ROBO1: variants seen among roughly 807,000 people sequenced by gnomAD.
ROBO1 encodes the protein roundabout homolog 1.
In ROBO1, 149 loss-of-function variants were observed where a neutral mutation model predicts 195.9. The ratio of observed to expected loss-of-function variants is 0.76; its 90% confidence interval spans 0.67 to 0.87. The LOEUF is 0.87. Ranked by LOEUF, ROBO1 falls within the 40% of genes least tolerant of loss-of-function variation. The pLI, the probability that ROBO1 is intolerant of heterozygous loss-of-function variation, is 0.00. For missense variants in ROBO1, 1,933 were observed against 2,068.3 expected, an observed-to-expected ratio of 0.93 and a Z score of 1.27; for synonymous variants, 816 against 733.2, an observed-to-expected ratio of 1.11 and a Z score of -1.82.
chr3:79,108,928 T>C (rs2079835261), intron 3 of ROBO1, among the ~76,000 whole-genome samples: 1 of 151,982 alleles, frequency 6.6e-6, no homozygotes. Flanking sequence ...ATATGTTGTA[T>C]ATATTTTGAA....
At chr3:79,407,797 T>A (rs2037606664) in intron 2 of ROBO1, among the ~76,000 whole-genome samples, 2 of 152,158 alleles carry the variant, frequency 1.3e-5, no homozygotes, top group South Asian at 4.2e-4. Flanking sequence ...CTTTAAAAAT[T>A]GAGGATGATA....
At chr3:79,263,091 C>T (rs1294680887) in intron 2 of ROBO1, among the ~76,000 whole-genome samples, 1 of 152,070 alleles carries the variant, frequency 6.6e-6, no homozygotes, top group Non-Finnish European at 1.5e-5. Context: ...TTTTCATACC[C>T]TTTAGTACCA....
chr3:79,295,402 TA>T (rs2032530271), intron 2 of ROBO1, among the ~76,000 whole-genome samples: 3 of 152,032 alleles, frequency 2.0e-5, no homozygotes, highest in African/African-American at 7.3e-5. Flanking sequence ...TGAAAAATGA[TA>T]ACACATGGAC....
chr3:79,710,326 C>T (rs760714935), intron 1 of ROBO1, among the ~76,000 whole-genome samples: 1 of 152,050 alleles, frequency 6.6e-6, no homozygotes, highest in Non-Finnish European at 1.5e-5. Flanking sequence ...GAAACTGCAA[C>T]ACACACATTT....
intron 3 of ROBO1, among the ~76,000 whole-genome samples, chr3:79,047,213 A>G (rs1316256924): frequency 6.6e-6 from 1 of 152,164 alleles, no homozygotes; most frequent in East Asian, 1.9e-4. Flanking sequence ...AGAATGTAGC[A>G]ACACTATTGC....
At chr3:79,161,792 A>G (rs1478177800) in intron 2 of ROBO1, among the ~76,000 whole-genome samples, 2 of 151,988 alleles carry the variant, frequency 1.3e-5, no homozygotes, top group East Asian at 1.9e-4. Flanking sequence ...CTGAGTACAC[A>G]CTCATTGTTA....
chr3:79,418,013 A>C (rs2038075899), intron 2 of ROBO1, among the ~76,000 whole-genome samples: 1 of 152,156 alleles, frequency 6.6e-6, no homozygotes, highest in African/African-American at 2.4e-5. Context: ...AGCCCTATGA[A>C]GCCCCTAGCA....
chr3:79,527,275 T>C (rs928347799), intron 2 of ROBO1, among the ~76,000 whole-genome samples: 8 of 152,112 alleles, frequency 5.3e-5, no homozygotes, highest in African/African-American at 1.9e-4. Flanking sequence ...CACTAATAAT[T>C]AAAAAGAAAA....
At chr3:79,730,011 A>T (rs762503929) in intron 1 of ROBO1, among the ~76,000 whole-genome samples, 9 of 152,290 alleles carry the variant, frequency 5.9e-5, no homozygotes, top group Non-Finnish European at 1.0e-4. Flanking sequence ...CATTAGAGAG[A>T]TAATTATATT....
intron 1 of ROBO1, among the ~76,000 whole-genome samples, chr3:79,716,136 A>G (rs1012202972): frequency 2.0e-5 from 3 of 152,058 alleles, no homozygotes; most frequent in African/African-American, 4.8e-5. Flanking sequence ...TAAGTGGTAA[A>G]CTTCAAATAT....
At chr3:78,989,809 A>G (rs1188419562) in intron 3 of ROBO1, among the ~76,000 whole-genome samples, 2 of 152,076 alleles carry the variant, frequency 1.3e-5, no homozygotes, top group South Asian at 2.1e-4. Flanking sequence ...AAAACCCTAT[A>G]TACCATTGAA....
intron 2 of ROBO1, among the ~76,000 whole-genome samples, chr3:79,178,014 A>G (rs1009027692): frequency 3.3e-5 from 5 of 152,240 alleles, no homozygotes; most frequent in Non-Finnish European, 7.3e-5. Flanking sequence ...GGTGAGAAAC[A>G]TTTTAAAGTA....
intron 4 of ROBO1, among the ~76,000 whole-genome samples, chr3:78,887,941 C>CCAGGTTT (rs2036658289): frequency 6.6e-6 from 1 of 151,608 alleles, no homozygotes; most frequent in Non-Finnish European, 1.5e-5. Context: ...AGAACACACC[C>CCAGGTTT]TCAAAAAAAA....
intron 4 of ROBO1, among the ~76,000 whole-genome samples, chr3:78,791,899 G>A (rs2084034515): frequency 6.6e-6 from 1 of 152,188 alleles, no homozygotes; most frequent in South Asian, 2.1e-4. Flanking sequence ...ATCTGCTCCT[G>A]CCAGTTTGTC....
chr3:79,058,026 G>T (rs1481745478), intron 3 of ROBO1, among the ~76,000 whole-genome samples: 1 of 152,034 alleles, frequency 6.6e-6, no homozygotes, highest in Middle Eastern at 3.4e-3. Context: ...CAGAGGAACC[G>T]GGACATTTGG....
chr3:79,551,129 ATT>A (rs1293830323), intron 2 of ROBO1, among the ~76,000 whole-genome samples: 1 of 151,724 alleles, frequency 6.6e-6, no homozygotes, highest in Non-Finnish European at 1.5e-5. Flanking sequence ...ATTTAAGTTT[ATT>A]ATAAACTTAC....
At chr3:79,548,730 C>G (rs1942365830) in intron 2 of ROBO1, among the ~76,000 whole-genome samples, 1 of 152,146 alleles carries the variant, frequency 6.6e-6, no homozygotes, top group Non-Finnish European at 1.5e-5. Context: ...AGTACGTTCT[C>G]CACATCCAAT....
chr3:78,703,625 G>A (rs925470574), intron 8 of ROBO1, among the ~76,000 whole-genome samples: 3 of 152,012 alleles, frequency 2.0e-5, no homozygotes, highest in African/African-American at 7.2e-5. Flanking sequence ...AGGAGAAGGA[G>A]AAGAAAGACA....
At chr3:79,592,077 T>C (rs1282116472) in intron 1 of ROBO1, among the ~76,000 whole-genome samples, 2 of 151,974 alleles carry the variant, frequency 1.3e-5, no homozygotes, top group African/African-American at 4.8e-5. Context: ...TGATATTTCA[T>C]AGTACATTAA....
Sources: gnomAD v4.1 joint callset for allele counts (sites outside exome capture counted in the v4.1 genomes callset) on GRCh38, gnomAD v4.1.1 for gene constraint, MANE v1.5 for transcripts, NCBI Gene and HGNC (gene_info 2026-07-23, HGNC 2026-07-21) for gene names.